The following ATRNL1 variants were observed in gnomAD, a reference collection of about 807,000 sequenced individuals.
ATRNL1 encodes attractin-like protein 1.
ATRNL1 carries 95 observed loss-of-function variants against 182.7 expected under a neutral mutation model. The observed-to-expected ratio is 0.52, with a 90% CI of 0.44 to 0.62. The LOEUF is 0.62. Among genes scored for constraint, ATRNL1 ranks in the 20% least tolerant of loss-of-function variants. ATRNL1 has a pLI of 0.00. For synonymous variants in ATRNL1, 576 were observed against 568.3 expected (o/e 1.01, Z -0.19); for missense variants, 1,471 against 1,679.5 (o/e 0.88, Z 2.17).
intron 19 of ATRNL1, 116 bp downstream of exon 19, chr10:115,334,535 G>C (rs1855391285): frequency 1.6e-6 from 1 of 633,198 alleles, no homozygotes; most frequent in Non-Finnish European, 2.4e-6. Context: ...CTCAGTTTTA[G>C]TATGTTTTCT....
At chr10:115,644,898 G>A (rs1449235031) in intron 26 of ATRNL1, among the ~76,000 whole-genome samples, 3 of 152,058 alleles carry the variant, frequency 2.0e-5, no homozygotes, top group Non-Finnish European at 2.9e-5. Context: ...ATTCCAGTAA[G>A]TTCATTCTCA....
Position 115,127,700 on chromosome 10 carries a change from C to G in ATRNL1, c.599C>G (p.Thr200Ser), listed in dbSNP as rs782337434. 6 of 1,477,210 alleles carry G rather than the reference C, an allele frequency of 4.1e-6. No homozygotes were observed. The highest frequency in any genetic ancestry group is 5.4e-6 in the Non-Finnish European group (6 of 1,112,094). The allele number at this position is 1,477,210 out of a possible 1,614,324, so 91.5% of individuals were successfully genotyped here. Residue 200 changes from threonine (T) to serine (S), a missense_variant, in exon 4 of 29, where the codon ACT becomes AGT. Thr to Ser is a moderately conservative substitution (Grantham distance 58). Coordinates refer to ENST00000355044, the MANE Select transcript of ATRNL1 (RefSeq NM_207303.4). ...TTTAGTGATGCTGCGTATAATCTAA[C>G]TGGTTTCAACATTTTCTATTCGTAA... ...HFFSDAAYNLTGFNIFYSINS... is the reference protein window; with the variant it reads ...HFFSDAAYNLSGFNIFYSINS...
At chr10:115,702,611 T>C (rs568762080) in intron 26 of ATRNL1, among the ~76,000 whole-genome samples, 3 of 152,058 alleles carry the variant, frequency 2.0e-5, no homozygotes, top group African/African-American at 7.2e-5. Context: ...ACAAAATCAA[T>C]GTACACAAAT....
chr10:115,834,311 T>A (rs1950621420), intron 27 of ATRNL1, among the ~76,000 whole-genome samples: 1 of 152,344 alleles, frequency 6.6e-6, no homozygotes, highest in South Asian at 2.1e-4. Context: ...TAAAGCTTCC[T>A]GTCCTTTGAG....
At chr10:115,602,825 G>T (rs1187470398) in intron 26 of ATRNL1, among the ~76,000 whole-genome samples, 1 of 150,178 alleles carries the variant, frequency 6.7e-6, no homozygotes, top group Non-Finnish European at 1.5e-5. Flanking sequence ...CTGCACTCCA[G>T]ACTGGGTGAC....
At chr10:115,521,440 A>G (rs1554985180) in intron 25 of ATRNL1, among the ~76,000 whole-genome samples, 1 of 152,178 alleles carries the variant, frequency 6.6e-6, no homozygotes, top group Non-Finnish European at 1.5e-5. Context: ...AGTGTGAGCC[A>G]CCATGCCTGG....
At chr10:115,233,650 G>A (rs909333252) in intron 9 of ATRNL1, among the ~76,000 whole-genome samples, 1 of 152,026 alleles carries the variant, frequency 6.6e-6, no homozygotes, top group African/African-American at 2.4e-5. Context: ...GATGTTCATT[G>A]TGGGTTTTTT....
intron 13 of ATRNL1, 92 bp downstream of exon 13, chr10:115,268,536 G>C (rs1022385634): frequency 2.3e-6 from 2 of 873,454 alleles, no homozygotes; most frequent in African/African-American, 3.3e-5. Flanking sequence ...TAGAAAAAAA[G>C]CACTTTACAC....
chr10:115,869,508 T>C (rs1388491308), intron 28 of ATRNL1, among the ~76,000 whole-genome samples: 1 of 152,124 alleles, frequency 6.6e-6, no homozygotes, highest in African/African-American at 2.4e-5. Flanking sequence ...GCCAGGGGTG[T>C]TGGGATATTC....
chr10:115,618,010 G>A (rs1049658084), intron 26 of ATRNL1, among the ~76,000 whole-genome samples: 1 of 152,128 alleles, frequency 6.6e-6, no homozygotes. Flanking sequence ...TTTTAAAAGT[G>A]TGTAGCACCT....
chr10:115,418,601 A>G (rs1845510944), intron 20 of ATRNL1, among the ~76,000 whole-genome samples: 1 of 152,194 alleles, frequency 6.6e-6, no homozygotes, highest in Non-Finnish European at 1.5e-5. Flanking sequence ...AGCAAAGTCA[A>G]AGGTCACCAG....
intron 8 of ATRNL1, among the ~76,000 whole-genome samples, chr10:115,207,287 TAA>T (rs1848836039): frequency 6.6e-6 from 1 of 152,174 alleles, no homozygotes; most frequent in South Asian, 2.1e-4. Context: ...ATGGTTGAAC[TAA>T]TTTACAATCC....
At chr10:115,786,162 G>A (rs1400569008) in intron 27 of ATRNL1, among the ~76,000 whole-genome samples, 1 of 152,006 alleles carries the variant, frequency 6.6e-6, no homozygotes, top group African/African-American at 2.4e-5. Flanking sequence ...AAGTCATCAA[G>A]GCTTTTCCTA....
chr10:115,796,352 C>A (rs1169594600), intron 27 of ATRNL1, among the ~76,000 whole-genome samples: 2 of 152,064 alleles, frequency 1.3e-5, no homozygotes, highest in African/African-American at 4.8e-5. Context: ...CCCACCTAAT[C>A]TGGACACCTA....
intron 1 of ATRNL1, among the ~76,000 whole-genome samples, chr10:115,118,904 T>G (rs1337865583): frequency 6.6e-6 from 1 of 152,152 alleles, no homozygotes; most frequent in Non-Finnish European, 1.5e-5. Flanking sequence ...GCACTTAGTA[T>G]TAATATTATT....
chr10:115,237,070 G>A (rs1850217741), intron 9 of ATRNL1, among the ~76,000 whole-genome samples: 1 of 152,092 alleles, frequency 6.6e-6, no homozygotes, highest in Admixed American at 6.6e-5. Flanking sequence ...GTCTCTTCAT[G>A]ACATAATAGC....
chr10:115,150,568 C>G (rs941000695), intron 5 of ATRNL1, among the ~76,000 whole-genome samples: 1 of 151,622 alleles, frequency 6.6e-6, no homozygotes, highest in East Asian at 1.9e-4. Flanking sequence ...TTTTTATTTT[C>G]TCTTTAATTT....
intron 19 of ATRNL1, among the ~76,000 whole-genome samples, chr10:115,370,037 A>C (rs904660437): frequency 1.3e-5 from 2 of 152,182 alleles, no homozygotes; most frequent in African/African-American, 4.8e-5. Context: ...TGTCATAGTG[A>C]ATAAGTCTCC....
chr10:115,445,506 CGTGTGT>C (rs57237450), intron 21 of ATRNL1, among the ~76,000 whole-genome samples: 4,059 of 119,208 alleles, frequency 0.034, 59 homozygotes, highest in African/African-American at 0.049. Context: ...CTCATTTGTC[CGTGTGT>C]GTGTGTGTGT....
Sources: gnomAD v4.1 joint callset for allele counts (sites outside exome capture counted in the v4.1 genomes callset) on GRCh38, gnomAD v4.1.1 for gene constraint, MANE v1.5 for transcripts, NCBI Gene and HGNC (gene_info 2026-07-23, HGNC 2026-07-21) for gene names.